The following RBFOX1 variants were observed in gnomAD, a reference collection of about 807,000 sequenced individuals.
The protein encoded by RBFOX1 is RNA binding protein fox-1 homolog 1.
Under a neutral mutation model 57.7 loss-of-function variants are expected in RBFOX1, and 8 were observed. The observed-to-expected ratio is 0.14, with a 90% CI of 0.08 to 0.25. The LOEUF is 0.25. Among genes scored for constraint, RBFOX1 ranks in the 10% least tolerant of loss-of-function variants. The pLI, the probability that RBFOX1 is intolerant of heterozygous loss-of-function variation, is 1.00. For synonymous variants in RBFOX1, 326 were observed against 222.4 expected (o/e 1.47, Z -4.15); for missense variants, 611 against 548.5 (o/e 1.11, Z -1.14).
chr16:5,603,519 C>T (rs1026344124), downstream of RBFOX1, among the ~76,000 whole-genome samples: 4 of 152,148 alleles, frequency 2.6e-5, no homozygotes, highest in African/African-American at 9.7e-5. Flanking sequence ...GTCTTAGATG[C>T]AAAGTTAATT....
intron 4 of RBFOX1, among the ~76,000 whole-genome samples, chr16:7,108,817 T>G (rs925100224): frequency 6.6e-6 from 1 of 152,200 alleles, no homozygotes; most frequent in African/African-American, 2.4e-5. Context: ...TTGTTGTACC[T>G]AAATCCCCGT....
At chr16:5,952,137 A>C (rs1597929102) in intron 4 of RBFOX1, among the ~76,000 whole-genome samples, 1 of 150,508 alleles carries the variant, frequency 6.6e-6, no homozygotes, top group African/African-American at 2.4e-5. Context: ...ATATATATAT[A>C]GGTTTTGTTT....
chr16:7,145,084 T>C (rs1421879733), intron 4 of RBFOX1, among the ~76,000 whole-genome samples: 1 of 152,216 alleles, frequency 6.6e-6, no homozygotes, highest in Non-Finnish European at 1.5e-5. Flanking sequence ...CAATCCTAGC[T>C]TGACAGTGAT....
chr16:7,428,497 A>G (rs190337172), intron 4 of RBFOX1, among the ~76,000 whole-genome samples: 1 of 95,600 alleles, frequency 1.0e-5, no homozygotes, highest in Non-Finnish European at 2.0e-5. Context: ...TGGCTATTTT[A>G]TTATTATTAT....
At chr16:5,839,004 T>C (rs1165214042) in intron 3 of RBFOX1, among the ~76,000 whole-genome samples, 1 of 152,136 alleles carries the variant, frequency 6.6e-6, no homozygotes, top group Non-Finnish European at 1.5e-5. Context: ...GTTTCACAGC[T>C]CGCTGGGGAG....
intron 3 of RBFOX1, among the ~76,000 whole-genome samples, chr16:6,780,317 T>G (rs182425211): frequency 7.8e-5 from 6 of 77,138 alleles, no homozygotes; most frequent in African/African-American, 3.9e-4. Flanking sequence ...ATATATTTAT[T>G]CATATTTATA....
intron 3 of RBFOX1, among the ~76,000 whole-genome samples, chr16:5,858,011 A>C (rs759412530): frequency 1.8e-4 from 27 of 152,290 alleles, no homozygotes; most frequent in Admixed American, 1.2e-3. Context: ...TGGTATTTCC[A>C]ATATGTAGAA....
At chr16:7,318,007 A>C (rs1458328080) in intron 4 of RBFOX1, among the ~76,000 whole-genome samples, 1 of 150,858 alleles carries the variant, frequency 6.6e-6, no homozygotes, top group Non-Finnish European at 1.5e-5. Flanking sequence ...TGTGGTGGTG[A>C]CGGTAGCGAT....
chr16:7,062,317 C>CAAAAAAA (rs57989614), intron 4 of RBFOX1, among the ~76,000 whole-genome samples: 34 of 65,300 alleles, frequency 5.2e-4, no homozygotes, highest in African/African-American at 9.2e-4. Flanking sequence ...GACTCCATCT[C>CAAAAAAA]AAAAAAAAAA....
intron 3 of RBFOX1, among the ~76,000 whole-genome samples, chr16:6,685,744 G>A (rs1214297489): frequency 2.0e-5 from 3 of 152,092 alleles, no homozygotes; most frequent in Non-Finnish European, 2.9e-5. Context: ...TAACAATTTG[G>A]TGTCTGCCCC....
rs915687557 is a variant in RBFOX1, at chr16:7,270,959, G to C, written c.27+218861G>C. Reference sequence around the variant, plus strand: ...CTTAGGGGTTACGGTGGGGCTGGGTGCTGAGTCATTTGGAAGACACACATG... The same window carrying C: ...CTTAGGGGTTACGGTGGGGCTGGGTCCTGAGTCATTTGGAAGACACACATG... On this transcript the variant is annotated intron_variant, in intron 4 of 15. Coordinates refer to ENST00000550418, the MANE Select transcript of RBFOX1 (RefSeq NM_018723.4). 1.2e-4 allele frequency among the ~76,000 whole-genome samples: 19 copies of C among 152,250 alleles called. 1 individual carries two copies. Among genetic ancestry groups the C allele is most frequent in the African/African-American group, 4.1e-4 (17 of 41,544 alleles).
intron 4 of RBFOX1, among the ~76,000 whole-genome samples, chr16:7,181,178 C>G (rs182470024): frequency 7.2e-5 from 11 of 152,264 alleles, no homozygotes; most frequent in Admixed American, 4.6e-4. Context: ...GGTTCAAAGA[C>G]TTCTTTGAAC....
intron 2 of RBFOX1, among the ~76,000 whole-genome samples, chr16:6,613,214 C>T (rs914085179): frequency 6.6e-6 from 1 of 152,068 alleles, no homozygotes; most frequent in Admixed American, 6.6e-5. Flanking sequence ...AAGCAGCTCC[C>T]CCACTGTGCA....
At chr16:5,407,824 C>T (rs1207475357) in intron 1 of RBFOX1, among the ~76,000 whole-genome samples, 2 of 152,266 alleles carry the variant, frequency 1.3e-5, no homozygotes, top group East Asian at 1.9e-4. Flanking sequence ...GCTGGGATTA[C>T]AGGCGTGAGC....
chr16:6,536,155 A>C (rs1234703813), intron 2 of RBFOX1, among the ~76,000 whole-genome samples: 4 of 152,182 alleles, frequency 2.6e-5, no homozygotes, highest in African/African-American at 9.7e-5. Context: ...ACAAGACCAC[A>C]ATCATCACAA....
At chr16:7,677,229 C>A (rs1273012513) in intron 14 of RBFOX1, among the ~76,000 whole-genome samples, 1 of 151,534 alleles carries the variant, frequency 6.6e-6, no homozygotes, top group South Asian at 2.1e-4. Flanking sequence ...GAAAAACAGA[C>A]CATGATCCTA....
chr16:6,131,229 G>A (rs2096627521), intron 1 of RBFOX1, among the ~76,000 whole-genome samples: 1 of 152,214 alleles, frequency 6.6e-6, no homozygotes, highest in African/African-American at 2.4e-5. Flanking sequence ...TTAGTTATAT[G>A]TGTGTACACA....
intron 4 of RBFOX1, among the ~76,000 whole-genome samples, chr16:7,221,330 T>C (rs1021079377): frequency 5.6e-5 from 7 of 124,252 alleles, no homozygotes; most frequent in Admixed American, 1.9e-4. Flanking sequence ...TTGTTTATTC[T>C]TTATTTTTAT....
intron 5 of RBFOX1, among the ~76,000 whole-genome samples, chr16:7,567,053 G>C (rs528227808): frequency 2.0e-5 from 3 of 151,188 alleles, no homozygotes; most frequent in Admixed American, 6.6e-5. Context: ...CTGACTGCCT[G>C]AGCGACCCAC....
Sources: gnomAD v4.1 joint callset for allele counts (sites outside exome capture counted in the v4.1 genomes callset) on GRCh38, gnomAD v4.1.1 for gene constraint, MANE v1.5 for transcripts, NCBI Gene and HGNC (gene_info 2026-07-23, HGNC 2026-07-21) for gene names.